Variants in PBX1 observed in about 807,000 individuals in gnomAD.
PBX1 encodes the protein PBX homeobox 1.
PBX1 carries 6 observed loss-of-function variants against 53.4 expected under a neutral mutation model. That is an observed-to-expected ratio of 0.11 (90% CI 0.06 to 0.22). The LOEUF is 0.22. PBX1 is among the 10% of genes least tolerant of loss of function. The pLI is 1.00. For missense variants in PBX1, 251 were observed against 551.4 expected, an observed-to-expected ratio of 0.46 and a Z score of 5.46; for synonymous variants, 204 against 212.3, an observed-to-expected ratio of 0.96 and a Z score of 0.34.
At chr1:164,863,455 C>T (rs940046640) in intron 2 of PBX1, among the ~76,000 whole-genome samples, 1 of 152,172 alleles carries the variant, frequency 6.6e-6, no homozygotes, top group Non-Finnish European at 1.5e-5. Context: ...ATAAAAACAT[C>T]CAGTTCCTAC....
chr1:164,847,411 G>A lies in PBX1; in HGVS notation c.*735G>A. ...AGCAGGGAAGGACACGGGAACAGCA[G>A]GTGGAGAATTCCTACAGTCTTTCTT... On this transcript the variant is annotated 3_prime_UTR_variant, in exon 9 of 9. Transcript: ENST00000420696. The A allele has an allele frequency of 9.4e-7, 1 of 1,064,342 alleles. No individual in the cohort carries two copies. The highest frequency in any genetic ancestry group is 1.1e-6 in the Non-Finnish European group (1 of 878,664). 65.9% of individuals were successfully genotyped at this position (1,064,342 alleles called of 1,614,324 possible).
intron 2 of PBX1, among the ~76,000 whole-genome samples, chr1:164,877,274 C>A (rs1672536055): frequency 6.6e-6 from 1 of 151,162 alleles, no homozygotes. Flanking sequence ...AAAACCCAAA[C>A]CAAACAAGCA....
chr1:164,804,022 T>C (rs1669213670), intron 4 of PBX1, among the ~76,000 whole-genome samples: 1 of 152,222 alleles, frequency 6.6e-6, no homozygotes, highest in Non-Finnish European at 1.5e-5. Flanking sequence ...ATTACTGTTA[T>C]ATGATATATT....
intron 3 of PBX1, among the ~76,000 whole-genome samples, chr1:164,799,324 A>T (rs1306725188): frequency 1.3e-5 from 2 of 151,976 alleles, no homozygotes; most frequent in South Asian, 4.2e-4. Context: ...CCCCGTCTCT[A>T]CTAAAATTAC....
intron 2 of PBX1, among the ~76,000 whole-genome samples, chr1:164,874,499 TTTTG>T (rs1466354659): frequency 6.6e-6 from 1 of 152,140 alleles, no homozygotes; most frequent in East Asian, 1.9e-4. Flanking sequence ...CTTTCTTTCT[TTTTG>T]TTTGTTTTTG....
Position 164,846,818 on chromosome 1 carries a change from T to C in PBX1, c.*142T>C. ...ACAATAAGAGTCTCCTTCTCTTCTC[T>C]TCTTTGGGATGCTATTTCAGCCAAT... On this transcript the variant is annotated 3_prime_UTR_variant, in exon 9 of 9. Transcript: ENST00000420696. 6.7e-7 allele frequency: 1 copy of C among 1,496,542 alleles called. No homozygotes were observed. Among genetic ancestry groups the C allele is most frequent in the Non-Finnish European group, 8.9e-7 (1 of 1,124,670 alleles). The allele number at this position is 1,496,542 out of a possible 1,614,324, so 92.7% of individuals were successfully genotyped here.
intron 5 of PBX1, among the ~76,000 whole-genome samples, chr1:164,811,180 G>T (rs1669592035): frequency 6.6e-6 from 1 of 152,136 alleles, no homozygotes; most frequent in African/African-American, 2.4e-5. Context: ...CAGGAATTAT[G>T]GGGGTAAAAC....
At chr1:164,689,794 A>T (rs1416260781) in intron 2 of PBX1, among the ~76,000 whole-genome samples, 1 of 151,060 alleles carries the variant, frequency 6.6e-6, no homozygotes, top group Non-Finnish European at 1.5e-5. Flanking sequence ...TCATTCTTTC[A>T]TTTCTTTCTC....
chr1:164,563,376 A>G, intron 2 of PBX1, 65 bp downstream of exon 2: 2 of 1,010,036 alleles, frequency 2.0e-6, no homozygotes, highest in Non-Finnish European at 3.1e-6. Context: ...ACCAGCAGTC[A>G]CAAATCTATT....
At position 164,837,095 on chromosome 1, in the gene PBX1, T is replaced by C. The variant is rs529960825; in HGVS notation, c.1201-9489T>C. Among the ~76,000 whole-genome samples the C allele has an allele frequency of 1.9e-4, 29 of 152,304 alleles. 1 individual carries two copies. The highest frequency in any genetic ancestry group is 3.5e-4 in the Non-Finnish European group (24 of 68,032). Reference sequence around the variant, plus strand: ...AAAGTGTAAGGGGTTTAGCTTCCTGTGTGATGGTAAATAGCCTCAAAATTT... The same window carrying C: ...AAAGTGTAAGGGGTTTAGCTTCCTGCGTGATGGTAAATAGCCTCAAAATTT... On this transcript the variant is annotated intron_variant, in intron 8 of 8. Transcript: ENST00000420696.
intron 2 of PBX1, among the ~76,000 whole-genome samples, chr1:164,877,314 T>A (rs553901548): frequency 9.2e-5 from 14 of 151,846 alleles, no homozygotes; most frequent in Non-Finnish European, 2.1e-4. Context: ...ACTTGATATG[T>A]TATTCCTAAT....
In PBX1 at chr1:164,702,714, CAG is replaced by C. The variant is rs1400594015; in HGVS notation, c.266-89777_266-89776del. ...GGAGGTGGTTGGGGGATGGAGAGGA[CAG>C]AGGGGGAAATCACTTCTTTGTCTAA... On this transcript the variant is annotated intron_variant, in intron 2 of 8. Coordinates refer to ENST00000420696, the MANE Select transcript of PBX1 (RefSeq NM_002585.4). Among the ~76,000 whole-genome samples, 8 of 141,708 alleles carry C rather than the reference CAG, an allele frequency of 5.6e-5. No homozygotes were observed. The East Asian group carries it at 2.0e-3, about 35-fold the overall frequency. The allele number at this position is 141,708 out of a possible 152,430, so 93.0% of individuals were successfully genotyped here. A position where few individuals can be genotyped will look rare whatever the true frequency, so the allele number is the denominator to read the frequency against.
chr1:164,719,263 A>G (rs573170139), intron 2 of PBX1, among the ~76,000 whole-genome samples: 1 of 152,314 alleles, frequency 6.6e-6, no homozygotes, highest in African/African-American at 2.4e-5. Context: ...GTTAGGAGAA[A>G]TTCTTCTGTC....
intron 2 of PBX1, among the ~76,000 whole-genome samples, chr1:164,719,167 A>G (rs1261659964): frequency 3.9e-5 from 6 of 152,340 alleles, no homozygotes; most frequent in Admixed American, 6.5e-5. Flanking sequence ...GAGAGAACAA[A>G]TGGTTAGGAT....
At chr1:164,697,690 A>G (rs1464883488) in intron 2 of PBX1, among the ~76,000 whole-genome samples, 1 of 152,166 alleles carries the variant, frequency 6.6e-6, no homozygotes, top group Non-Finnish European at 1.5e-5. Context: ...TTACTTTTCC[A>G]TCATCAAAAT....
intron 2 of PBX1, among the ~76,000 whole-genome samples, chr1:164,634,261 G>A (rs1267515363): frequency 6.6e-6 from 1 of 152,244 alleles, no homozygotes; most frequent in African/African-American, 2.4e-5. Flanking sequence ...GATGTGGCCA[G>A]GTGAGTTTCG....
At chr1:164,640,723 A>C (rs1009567363) in intron 2 of PBX1, among the ~76,000 whole-genome samples, 3 of 151,460 alleles carry the variant, frequency 2.0e-5, no homozygotes, top group Admixed American at 2.0e-4. Flanking sequence ...TGCCTGGCTG[A>C]TTTTTTTGTA....
Position 164,849,330 on chromosome 1 carries a change from C to G in PBX1, c.*2654C>G. 1 of 1,535,682 alleles carries G rather than the reference C, an allele frequency of 6.5e-7. No homozygotes were observed. Among genetic ancestry groups the G allele is most frequent in the South Asian group, 1.2e-5 (1 of 84,050 alleles). On this transcript the variant is annotated 3_prime_UTR_variant, in exon 9 of 9. Coordinates refer to ENST00000420696, the MANE Select transcript of PBX1 (RefSeq NM_002585.4). ...CAACCAGCATTTCACTTAGTCTTCT[C>G]TATACCCAGCACCTCCCCCGGCACC...
intron 2 of PBX1, among the ~76,000 whole-genome samples, chr1:164,722,334 G>A (rs543173181): frequency 6.6e-6 from 1 of 152,272 alleles, no homozygotes; most frequent in South Asian, 2.1e-4. Context: ...TGTACCTGCT[G>A]ATTACTTAGT....
Sources: gnomAD v4.1 joint callset for allele counts (sites outside exome capture counted in the v4.1 genomes callset) on GRCh38, gnomAD v4.1.1 for gene constraint, MANE v1.5 for transcripts, NCBI Gene and HGNC (gene_info 2026-07-23, HGNC 2026-07-21) for gene names.